NRDC: variants seen among roughly 807,000 people sequenced by gnomAD.
NRDC encodes the protein nardilysin.
A neutral mutation model predicts 147.1 loss-of-function variants in NRDC; 54 were observed. That is an observed-to-expected ratio of 0.37 (90% CI 0.29 to 0.46). The LOEUF is 0.46. NRDC is among the 20% of genes least tolerant of loss of function. The pLI is 1.00. For synonymous variants in NRDC, 440 were observed against 482.1 expected, an observed-to-expected ratio of 0.91 and a Z score of 1.14; for missense variants, 1,082 against 1,370.6, an observed-to-expected ratio of 0.79 and a Z score of 3.33.
Position 51,840,158 on chromosome 1 carries a change from A to T in NRDC, c.630+68T>A. 3.1e-6 allele frequency: 4 copies of T among 1,292,846 alleles called. No homozygotes were observed. The South Asian group carries it at 5.9e-5, about 19-fold the overall frequency. 80.1% of individuals were successfully genotyped at this position (1,292,846 alleles called of 1,614,324 possible). A position where few individuals can be genotyped will look rare whatever the true frequency, so the allele number is the denominator to read the frequency against. ...ATATACTTCCTTTTTGCCATTAAAA[A>T]ATAAAGCTTGAGTTTAGAAGTTACC... On this transcript the variant is annotated intron_variant, in intron 2 of 30. Coordinates refer to ENST00000352171, the MANE Select transcript of NRDC (RefSeq NM_001101662.2).
intron 20 of NRDC, among the ~76,000 whole-genome samples, chr1:51,803,383 G>A (rs886242957): frequency 6.6e-6 from 1 of 151,474 alleles, no homozygotes. Context: ...GCTGAGGCAT[G>A]AGAACTGATT....
intron 11 of NRDC, 82 bp from the exon 12 acceptor site, chr1:51,814,895 C>T (rs1196656777): frequency 2.2e-6 from 3 of 1,354,476 alleles, no homozygotes; most frequent in East Asian, 2.5e-5. Context: ...AATATAGAGG[C>T]TTTCTATGTA....
In NRDC at chr1:51,823,832, G is replaced by A. The variant is rs778874693; in HGVS notation, c.1037-46C>T. ...TTATAGATATAACTAAGTTAACTTT[G>A]TTAAAAGTCTTCTACATCATCAATG... On this transcript the variant is annotated intron_variant, in intron 6 of 30. Transcript: ENST00000352171. 1.5e-5 allele frequency: 22 copies of A among 1,427,980 alleles called. No homozygotes were observed. In the East Asian group the frequency reaches 5.1e-4, roughly 33 times the overall value. 88.5% of individuals were successfully genotyped at this position (1,427,980 alleles called of 1,614,324 possible).
intron 1 of NRDC, among the ~76,000 whole-genome samples, chr1:51,845,601 G>GAAAAA (rs1681518839): frequency 6.6e-6 from 1 of 151,190 alleles, no homozygotes; most frequent in African/African-American, 2.4e-5. Context: ...ACAAAAAAAA[G>GAAAAA]AAAAGAAAAG....
intron 15 of NRDC, among the ~76,000 whole-genome samples, chr1:51,811,462 G>A (rs1468229192): frequency 6.6e-6 from 1 of 152,140 alleles, no homozygotes; most frequent in African/African-American, 2.4e-5. Context: ...AGTCACCTCT[G>A]GTTGACGCGC....
chr1:51,793,468 T>C (rs772538908), intron 24 of NRDC, among the ~76,000 whole-genome samples: 3 of 152,122 alleles, frequency 2.0e-5, no homozygotes, highest in Non-Finnish European at 4.4e-5. Context: ...GACAAAAATA[T>C]TATCAACCTA....
At chr1:51,820,633 G>T (rs1057462888) in intron 8 of NRDC, among the ~76,000 whole-genome samples, 3 of 151,906 alleles carry the variant, frequency 2.0e-5, no homozygotes, top group Non-Finnish European at 4.4e-5. Context: ...ATACCAAAAA[G>T]CACTGCTAAT....
chr1:51,869,328 T>C (rs1682971236), intron 1 of NRDC, among the ~76,000 whole-genome samples: 1 of 152,214 alleles, frequency 6.6e-6, no homozygotes, highest in Non-Finnish European at 1.5e-5. Flanking sequence ...ATTTAACACT[T>C]ATCTTCTTGT....
chr1:51,798,081 A>G, intron 22 of NRDC, 168 bp downstream of exon 22: 1 of 605,944 alleles, frequency 1.7e-6, no homozygotes, highest in East Asian at 2.8e-5. Context: ...AGCAGTCTTC[A>G]TCTTAAGAAG....
chr1:51,810,983 T>C (rs12059631), intron 15 of NRDC, among the ~76,000 whole-genome samples: 8 of 152,212 alleles, frequency 5.3e-5, no homozygotes, highest in African/African-American at 1.9e-4. Flanking sequence ...ACTGCCAAGA[T>C]AGGGCCTCCT....
In NRDC at chr1:51,810,346, G is replaced by A; in HGVS notation, c.1838C>T (p.Ser613Phe). 2 of 1,611,756 alleles carry A rather than the reference G, an allele frequency of 1.2e-6. No individual in the cohort carries two copies. Among genetic ancestry groups the A allele is most frequent in the Non-Finnish European group, 1.7e-6 (2 of 1,178,440 alleles). Reference protein sequence around the residue: ...VPQKANLVLLSGANEGKCDLK... With the variant: ...VPQKANLVLLFGANEGKCDLK... Reference sequence around the variant, plus strand: ...GTCACATTTTCCCTCATTAGCACCAGACAGTAAAACAAGATTTGCTTTTTG... The same window carrying A: ...GTCACATTTTCCCTCATTAGCACCAAACAGTAAAACAAGATTTGCTTTTTG... The change falls in exon 16 of 31, where the codon TCT becomes TTT. Residue 613 changes from serine (S) to phenylalanine (F), a missense_variant. By Grantham distance (155) the Ser-to-Phe change is radical. This residue lies in a region of NRDC where 635 missense variants were observed against 923.8 expected (regional missense o/e 0.69). Coordinates refer to ENST00000352171, the MANE Select transcript of NRDC (RefSeq NM_001101662.2).
At chr1:51,798,114 G>C (rs561616503) in intron 22 of NRDC, 135 bp downstream of exon 22, 357 of 788,748 alleles carry the variant, frequency 4.5e-4, no homozygotes, top group Middle Eastern at 3.5e-3. Flanking sequence ...CATCAGAGGG[G>C]TCAGGTTCCC....
chr1:51,849,193 T>A (rs1681810639), intron 1 of NRDC, among the ~76,000 whole-genome samples: 1 of 151,932 alleles, frequency 6.6e-6, no homozygotes. Context: ...CAGACCATCC[T>A]GGCTAACACA....
At chr1:51,794,344 T>C in intron 24 of NRDC, 128 bp downstream of exon 24, 2 of 875,538 alleles carry the variant, frequency 2.3e-6, no homozygotes, top group South Asian at 1.8e-5. Context: ...TAAATGTAGT[T>C]GCTTCAAGAG....
intron 22 of NRDC, 63 bp from the exon 23 acceptor site, chr1:51,794,917 C>A: frequency 6.2e-7 from 1 of 1,605,486 alleles, no homozygotes; most frequent in South Asian, 1.1e-5. Context: ...CCAGAATCAG[C>A]TAATATCAAT....
rs145552911 is a variant in NRDC at position 51,875,167 on chromosome 1, A to T, written c.341+3108T>A. On this transcript the variant is annotated intron_variant, in intron 1 of 30. Transcript: ENST00000352171. ...CAAAAATTCATAGAATTGAATTTGG[A>T]TAAGTCTTTAAAGATCACCTAGTCC... Among the ~76,000 whole-genome samples, 3 of 152,250 alleles carry T rather than the reference A, an allele frequency of 2.0e-5. No individual in the cohort carries two copies. In the South Asian group the frequency reaches 6.2e-4, roughly 31 times the overall value.
intron 1 of NRDC, among the ~76,000 whole-genome samples, chr1:51,874,920 C>A (rs1045161867): frequency 1.3e-5 from 2 of 152,162 alleles, no homozygotes; most frequent in Non-Finnish European, 2.9e-5. Context: ...ATTATTTCAC[C>A]ACAATATTCC....
intron 3 of NRDC, 89 bp downstream of exon 3, chr1:51,836,042 C>A: frequency 3.0e-6 from 3 of 1,006,626 alleles, no homozygotes; most frequent in Middle Eastern, 2.7e-4. Context: ...ATACTTCTGT[C>A]AAATCACTTG....
At chr1:51,859,370 C>A (rs981959571) in intron 1 of NRDC, among the ~76,000 whole-genome samples, 3 of 152,144 alleles carry the variant, frequency 2.0e-5, no homozygotes, top group African/African-American at 7.2e-5. Context: ...TTGATACTTG[C>A]TTGCTTGTTT....
Sources: allele counts gnomAD v4.1 joint callset (sites outside exome capture counted in the v4.1 genomes callset), GRCh38; gene constraint gnomAD v4.1.1; regional missense constraint gnomAD v4.1.1; transcripts MANE v1.5; gene names NCBI Gene and HGNC (gene_info 2026-07-23, HGNC 2026-07-21).